The following RIMS2 variants were observed in gnomAD, a reference collection of about 807,000 sequenced individuals.
The protein encoded by RIMS2 is regulating synaptic membrane exocytosis 2.
In RIMS2, 59 loss-of-function variants were observed where a neutral mutation model predicts 174.4. The ratio of observed to expected loss-of-function variants is 0.34; its 90% confidence interval spans 0.27 to 0.42. The LOEUF is 0.42. Ranked by LOEUF, RIMS2 falls within the 10% of genes least tolerant of loss-of-function variation. RIMS2 has a pLI of 1.00. For missense variants in RIMS2, 1,620 were observed against 1,666.3 expected (o/e 0.97, Z 0.48); for synonymous variants, 606 against 572.5 (o/e 1.06, Z -0.84).
chr8:103,692,478 A>G lies in RIMS2; in HGVS notation c.177-4608A>G, dbSNP rs143671624. 4.2e-3 allele frequency among the ~76,000 whole-genome samples: 644 copies of G among 152,228 alleles called. 4 individuals carry two copies. The highest frequency in any genetic ancestry group is 0.015 in the African/African-American group (613 of 41,550). ...TCCACAAGCAGTGAAGTCTCTTCCT[A>G]TGGCTACCACAACTGGGAATTTGTT... On this transcript the variant is annotated intron_variant, in intron 1 of 23. Coordinates refer to ENST00000504942, the Ensembl canonical transcript of RIMS2.
intron 17 of RIMS2, among the ~76,000 whole-genome samples, chr8:103,992,655 T>C (rs2094803057): frequency 6.6e-6 from 1 of 152,204 alleles, no homozygotes; most frequent in African/African-American, 2.4e-5. Flanking sequence ...CTATAGGTAA[T>C]GTAAAAATAA....
intron 19 of RIMS2, among the ~76,000 whole-genome samples, chr8:104,172,715 G>T (rs1006746984): frequency 2.0e-5 from 3 of 152,170 alleles, no homozygotes; most frequent in Admixed American, 2.0e-4. Context: ...CAAAATGAGA[G>T]AAATCATTTT....
chr8:104,173,505 GT>G (rs2098844102), intron 19 of RIMS2, among the ~76,000 whole-genome samples: 1 of 149,820 alleles, frequency 6.7e-6, no homozygotes. Flanking sequence ...TTTTACTATG[GT>G]TTTGATCATG....
chr8:103,560,693 A>T (rs2091445907), intron 1 of RIMS2, among the ~76,000 whole-genome samples: 1 of 152,248 alleles, frequency 6.6e-6, no homozygotes, highest in Non-Finnish European at 1.5e-5. Flanking sequence ...AACACAAGGT[A>T]AACACAATCA....
At chr8:103,601,092 A>G (rs1224856711) in intron 1 of RIMS2, among the ~76,000 whole-genome samples, 1 of 152,078 alleles carries the variant, frequency 6.6e-6, no homozygotes, top group African/African-American at 2.4e-5. Context: ...TGAGCTCCTT[A>G]TATATTCTGG....
At chr8:103,587,409 GAAGAAAGAAAGA>G (rs201019003) in intron 1 of RIMS2, among the ~76,000 whole-genome samples, 10,004 of 117,042 alleles carry the variant, frequency 0.085, 458 homozygotes, top group Non-Finnish European at 0.12. Flanking sequence ...GAAGAAAAAA[GAAGAAAGAAAGA>G]AAGAAAGAAA....
chr8:103,956,845 C>A (rs1007609869), intron 14 of RIMS2, among the ~76,000 whole-genome samples: 3 of 152,170 alleles, frequency 2.0e-5, no homozygotes, highest in Non-Finnish European at 4.4e-5. Context: ...CTTTTGCAAT[C>A]TGTCCATTTG....
intron 1 of RIMS2, among the ~76,000 whole-genome samples, chr8:103,588,987 A>G (rs1457660351): frequency 6.6e-6 from 1 of 151,872 alleles, no homozygotes; most frequent in Non-Finnish European, 1.5e-5. Context: ...ATGGAATGGG[A>G]GAAAATATTT....
At chr8:103,738,991 A>G (rs1012603435) in intron 2 of RIMS2, among the ~76,000 whole-genome samples, 1 of 152,236 alleles carries the variant, frequency 6.6e-6, no homozygotes, top group African/African-American at 2.4e-5. Context: ...AGGATCTAGA[A>G]CTAGAAATAC....
chr8:103,553,945 G>T (rs1479529763), intron 1 of RIMS2, among the ~76,000 whole-genome samples: 1 of 58,318 alleles, frequency 1.7e-5, no homozygotes, highest in Non-Finnish European at 3.0e-5. Flanking sequence ...AAGTCTAGCA[G>T]TGGGAAAAGG....
intron 1 of RIMS2, among the ~76,000 whole-genome samples, chr8:103,581,033 T>C (rs2093589075): frequency 1.3e-5 from 2 of 151,948 alleles, no homozygotes; most frequent in Admixed American, 1.3e-4. Flanking sequence ...GGTTTTGCTG[T>C]GGTCTCGATC....
chr8:103,996,450 T>A (rs981325614), intron 17 of RIMS2, among the ~76,000 whole-genome samples: 2 of 151,964 alleles, frequency 1.3e-5, no homozygotes, highest in African/African-American at 4.8e-5. Context: ...GGAAAAGTGT[T>A]GTGCAACCCA....
At chr8:104,230,411 C>A (rs1440707273) in intron 19 of RIMS2, among the ~76,000 whole-genome samples, 1 of 151,994 alleles carries the variant, frequency 6.6e-6, no homozygotes, top group Non-Finnish European at 1.5e-5. Context: ...TTTGGGAGGC[C>A]GAGCCAGGTG....
chr8:103,563,161 T>G (rs1279484867), intron 1 of RIMS2, among the ~76,000 whole-genome samples: 1 of 152,246 alleles, frequency 6.6e-6, no homozygotes, highest in Non-Finnish European at 1.5e-5. Context: ...AGCTCCCTGT[T>G]ACTTTTGCAA....
intron 19 of RIMS2, among the ~76,000 whole-genome samples, chr8:104,109,043 A>G (rs2098127761): frequency 6.6e-6 from 1 of 152,094 alleles, no homozygotes; most frequent in Non-Finnish European, 1.5e-5. Context: ...GCTGCCTGTA[A>G]TCCCAGCACT....
intron 14 of RIMS2, among the ~76,000 whole-genome samples, chr8:103,955,367 C>T (rs1161990901): frequency 6.6e-6 from 1 of 152,180 alleles, no homozygotes; most frequent in Non-Finnish European, 1.5e-5. Context: ...TACTGACAAA[C>T]TGAATCCAGC....
At chr8:103,904,192 A>G (rs1249431551) in intron 4 of RIMS2, among the ~76,000 whole-genome samples, 6 of 152,158 alleles carry the variant, frequency 3.9e-5, no homozygotes, top group African/African-American at 1.2e-4. Flanking sequence ...GAATGAAATC[A>G]TACAGTATGT....
intron 2 of RIMS2, among the ~76,000 whole-genome samples, chr8:103,724,160 G>C (rs1027882461): frequency 6.6e-6 from 1 of 151,036 alleles, no homozygotes; most frequent in Non-Finnish European, 1.5e-5. Flanking sequence ...TCTTCGATGT[G>C]TCTGTTCTTA....
At chr8:103,989,691 T>C (rs1393412076) in intron 17 of RIMS2, among the ~76,000 whole-genome samples, 1 of 152,206 alleles carries the variant, frequency 6.6e-6, no homozygotes, top group African/African-American at 2.4e-5. Context: ...TTAGTGAATC[T>C]GTATAAGTGA....
Sources: gnomAD v4.1 joint callset for allele counts (sites outside exome capture counted in the v4.1 genomes callset) on GRCh38, gnomAD v4.1.1 for gene constraint, MANE v1.5 for transcripts, NCBI Gene and HGNC (gene_info 2026-07-23, HGNC 2026-07-21) for gene names.